The following RAP1B variants were observed in gnomAD, a reference collection of about 807,000 sequenced individuals.
RAP1B encodes the protein RAP1B, member of RAS oncogene family.
RAP1B carries 1 observed loss-of-function variant against 27.5 expected under a neutral mutation model. The observed-to-expected ratio is 0.04, with a 90% CI of 0.01 to 0.17. RAP1B has a LOEUF of 0.17. Ranked by LOEUF, RAP1B falls within the 10% of genes least tolerant of loss-of-function variation. The probability of loss-of-function intolerance (pLI) is 1.00; values close to 1 mark genes in which losing one functional copy is unlikely to be tolerated. For missense variants in RAP1B, 84 were observed against 214.8 expected, an observed-to-expected ratio of 0.39 and a Z score of 3.81; for synonymous variants, 75 against 73.1, an observed-to-expected ratio of 1.03 and a Z score of -0.13.
Position 68,662,711 on chromosome 12 carries a change from C to T in RAP1B, c.*3462C>T, listed in dbSNP as rs994503823. 1.3e-5 allele frequency: 2 copies of T among 152,096 alleles called. No individual in the cohort carries two copies. The highest frequency in any genetic ancestry group is 2.9e-5 in the Non-Finnish European group (2 of 68,030). The allele number at this position is 152,096 out of a possible 1,614,324, so 9.4% of individuals were successfully genotyped here. ...TATTACCTTAGAAGCCTTAAAAGTGCTTGCAGGCTTGTCTCATAATCTGTC... is the reference window on the plus strand; with the variant it reads ...TATTACCTTAGAAGCCTTAAAAGTGTTTGCAGGCTTGTCTCATAATCTGTC... On this transcript the variant is annotated 3_prime_UTR_variant, in exon 8 of 8. Coordinates refer to ENST00000250559, the MANE Select transcript of RAP1B (RefSeq NM_001010942.3).
intron 1 of RAP1B, among the ~76,000 whole-genome samples, chr12:68,639,667 A>T (rs1274356784): frequency 6.6e-6 from 1 of 152,166 alleles, no homozygotes. Flanking sequence ...TGGCACAGGA[A>T]CTCACCAAAG....
At chr12:68,638,148 C>T (rs1208475007) in intron 1 of RAP1B, among the ~76,000 whole-genome samples, 1 of 152,178 alleles carries the variant, frequency 6.6e-6, no homozygotes, top group African/African-American at 2.4e-5. Flanking sequence ...ACTTGGCTCA[C>T]TAGTCCACAT....
chr12:68,615,517 A>T (rs1565654587), intron 1 of RAP1B, among the ~76,000 whole-genome samples: 1 of 151,826 alleles, frequency 6.6e-6, no homozygotes, highest in Admixed American at 6.6e-5. Context: ...TGAACCTGGG[A>T]GGCGGAGGTT....
At chr12:68,655,531 T>C (rs374723164) in intron 5 of RAP1B, among the ~76,000 whole-genome samples, 5 of 148,680 alleles carry the variant, frequency 3.4e-5, no homozygotes, top group East Asian at 3.9e-4. Context: ...TAAATTTTGA[T>C]TGGCTTTTTT....
chr12:68,625,570 A>G lies in RAP1B; in HGVS notation c.-27+14527A>G, dbSNP rs200193411. Among the ~76,000 whole-genome samples the G allele has an allele frequency of 1.2e-4, 19 of 152,328 alleles. No homozygotes were observed. In the East Asian group the frequency reaches 2.7e-3, roughly 22 times the overall value. On this transcript the variant is annotated intron_variant, in intron 1 of 7. Coordinates refer to ENST00000250559, the MANE Select transcript of RAP1B (RefSeq NM_001010942.3). ...GGTCCTTAAGTTTCATTTTGAATGT[A>G]TAATATAATCATGCAGATTACGAAC...
At position 68,664,003 on chromosome 12, in the gene RAP1B, C is replaced by A. The variant is rs1874741166; in HGVS notation, c.*4754C>A. 6.6e-6 allele frequency: 1 copy of A among 152,098 alleles called. No individual in the cohort carries two copies. Among genetic ancestry groups the A allele is most frequent in the African/African-American group, 2.4e-5 (1 of 41,422 alleles). The allele number at this position is 152,098 out of a possible 1,614,324, so 9.4% of individuals were successfully genotyped here. A position where few individuals can be genotyped will look rare whatever the true frequency, so the allele number is the denominator to read the frequency against. Reference sequence around the variant, plus strand: ...TATTCATAGGTAATCTAATTTTTCTCATTTCTCCAAAAGGGTACGAAGACA... The same window carrying A: ...TATTCATAGGTAATCTAATTTTTCTAATTTCTCCAAAAGGGTACGAAGACA... On this transcript the variant is annotated 3_prime_UTR_variant, in exon 8 of 8. Coordinates refer to ENST00000250559, the MANE Select transcript of RAP1B (RefSeq NM_001010942.3).
At chr12:68,629,227 C>T (rs1368664091) in intron 1 of RAP1B, among the ~76,000 whole-genome samples, 5 of 152,148 alleles carry the variant, frequency 3.3e-5, no homozygotes. Flanking sequence ...CATCTACCTA[C>T]CCCAGCCTCT....
At chr12:68,645,843 T>C (rs1873364996) in intron 1 of RAP1B, among the ~76,000 whole-genome samples, 1 of 152,272 alleles carries the variant, frequency 6.6e-6, no homozygotes, top group East Asian at 1.9e-4. Flanking sequence ...TTTTTTGTTT[T>C]GTTTTGCTGT....
chr12:68,650,718 A>G, intron 3 of RAP1B: 1 of 228,052 alleles, frequency 4.4e-6, no homozygotes, highest in Non-Finnish European at 8.4e-6. Flanking sequence ...ATCCATTTCA[A>G]GTAGTAGCCC....
At chr12:68,650,553 A>T in intron 3 of RAP1B, 85 bp downstream of exon 3, 1 of 1,141,664 alleles carries the variant, frequency 8.8e-7, no homozygotes. Flanking sequence ...TGTTTTATAC[A>T]AAGGATGGAG....
At position 68,650,429 on chromosome 12, in the gene RAP1B, A is replaced by T. The variant is rs1473118162; in HGVS notation, c.87A>T (p.Val29=). Residue 29 remains valine, a synonymous_variant, in exon 3 of 8, where the codon GTA becomes GTT. Coordinates refer to ENST00000250559, the MANE Select transcript of RAP1B (RefSeq NM_001010942.3). The stretch of plus-strand genomic sequence containing the variant: ...TACAATTTGTTCAAGGAATTTTTGT[A>T]GAAAAATACGATCCTACGATAGAAG... ...LTVQFVQGIF[V]EKYDPTIEDS... 6.4e-7 allele frequency: 1 copy of T among 1,566,786 alleles called. No homozygotes were observed. The highest frequency in any genetic ancestry group is 8.7e-7 in the Non-Finnish European group (1 of 1,155,126).
chr12:68,622,421 T>TA (rs972571027), intron 1 of RAP1B, among the ~76,000 whole-genome samples: 10 of 152,252 alleles, frequency 6.6e-5, no homozygotes, highest in African/African-American at 2.4e-4. Context: ...TATCAAGGCC[T>TA]AGAAGGTACT....
chr12:68,664,596 C>G lies in RAP1B; in HGVS notation c.*5347C>G, dbSNP rs1461764756. The G allele has an allele frequency of 6.6e-6, 1 of 152,218 alleles. No individual in the cohort carries two copies. The highest frequency in any genetic ancestry group is 1.5e-5 in the Non-Finnish European group (1 of 68,152). The allele number at this position is 152,218 out of a possible 1,614,324, so 9.4% of individuals were successfully genotyped here. Reference sequence around the variant, plus strand: ...CGGTGGTGTGTGCCTGTAATCCCAGCTACTCAGGAGGCTGAGGCAGGAGAA... The same window carrying G: ...CGGTGGTGTGTGCCTGTAATCCCAGGTACTCAGGAGGCTGAGGCAGGAGAA... On this transcript the variant is annotated 3_prime_UTR_variant, in exon 8 of 8. Coordinates refer to ENST00000250559, the MANE Select transcript of RAP1B (RefSeq NM_001010942.3).
chr12:68,611,784 GGA>G (rs1321357216), intron 1 of RAP1B, among the ~76,000 whole-genome samples: 1 of 152,142 alleles, frequency 6.6e-6, no homozygotes, highest in Non-Finnish European at 1.5e-5. Flanking sequence ...TCTCTTAGAG[GGA>G]GAGAAAATCC....
At chr12:68,628,518 A>T (rs893137757) in intron 1 of RAP1B, among the ~76,000 whole-genome samples, 1 of 152,210 alleles carries the variant, frequency 6.6e-6, no homozygotes, top group Non-Finnish European at 1.5e-5. Flanking sequence ...ACCTTGTCCA[A>T]TGCGTGATTT....
intron 1 of RAP1B, among the ~76,000 whole-genome samples, chr12:68,631,488 AAAT>A (rs1163670538): frequency 6.6e-6 from 1 of 152,194 alleles, no homozygotes; most frequent in Non-Finnish European, 1.5e-5. Flanking sequence ...GTTGCTTATT[AAAT>A]GAGTCAGAGC....
rs766079030 is a variant in RAP1B at position 68,648,724 on chromosome 12, C to T, written c.-1C>T. 2 of 1,609,370 alleles carry T rather than the reference C, an allele frequency of 1.2e-6. No homozygotes were observed. The highest frequency in any genetic ancestry group is 2.2e-5 in the South Asian group (2 of 90,520). On this transcript the variant is annotated 5_prime_UTR_variant, in exon 2 of 8. Transcript: ENST00000250559. The stretch of plus-strand genomic sequence containing the variant: ...GTACTAGGTTTTGACAAGCTTGCAT[C>T]ATGCGTGAGTATAAGCTAGTCGTTC...
chr12:68,621,917 C>G (rs1411274786), intron 1 of RAP1B, among the ~76,000 whole-genome samples: 1 of 152,200 alleles, frequency 6.6e-6, no homozygotes, highest in African/African-American at 2.4e-5. Context: ...CCTTCAGGTA[C>G]TCAAATTAGA....
intron 2 of RAP1B, 151 bp downstream of exon 2, chr12:68,648,932 T>C (rs1041561519): frequency 3.9e-5 from 27 of 691,934 alleles, no homozygotes; most frequent in Non-Finnish European, 5.7e-5. Context: ...TATTCAACTT[T>C]TAATTATATC....
Sources: gnomAD v4.1 joint callset for allele counts (sites outside exome capture counted in the v4.1 genomes callset) on GRCh38, gnomAD v4.1.1 for gene constraint, MANE v1.5 for transcripts, NCBI Gene and HGNC (gene_info 2026-07-23, HGNC 2026-07-21) for gene names.